DVL1: variants seen among roughly 807,000 people sequenced by gnomAD.
The protein encoded by DVL1 is segment polarity protein dishevelled homolog DVL-1.
A neutral mutation model predicts 65.0 loss-of-function variants in DVL1; 49 were observed. That is an observed-to-expected ratio of 0.75 (90% confidence interval 0.60 to 0.96). The LOEUF is 0.96. DVL1 is among the 40% of genes least tolerant of loss of function. The probability of loss-of-function intolerance (pLI) is 0.00; values close to 1 mark genes in which losing one functional copy is unlikely to be tolerated. For synonymous variants in DVL1, 608 were observed against 433.9 expected, an observed-to-expected ratio of 1.40 and a Z score of -4.99; for missense variants, 1,197 against 1,045.4, an observed-to-expected ratio of 1.15 and a Z score of -2.00.
rs772591531 is a variant in DVL1, at chr1:1,336,354, G to A, written c.1876C>T (p.Arg626Cys). ...WRERPAGQLSRGSSPRSQASA... is the reference protein window; with the variant it reads ...WRERPAGQLSCGSSPRSQASA... The stretch of plus-strand genomic sequence containing the variant: ...GCCTGACTGCGTGGGCTGCTGCCAC[G>A]GCTGAGCTGGCCGGCCGGACGCTCT... Residue 626 changes from arginine to cysteine, a missense_variant, in exon 15 of 15, where the codon CGT (arginine) becomes TGT (cysteine). Coordinates refer to ENST00000378888, the MANE Select transcript of DVL1 (RefSeq NM_001330311.2). 16 of 1,595,312 alleles carry A rather than the reference G, an allele frequency of 1.0e-5. 1 individual carries two copies. The highest frequency in any genetic ancestry group is 5.5e-5 in the South Asian group (5 of 90,516).
At chr1:1,344,796 C>CGCCAGGGG (rs377499524) in intron 1 of DVL1, among the ~76,000 whole-genome samples, 8 of 152,168 alleles carry the variant, frequency 5.3e-5, no homozygotes, top group African/African-American at 1.7e-4. Context: ...CACTAGCTGC[C>CGCCAGGGG]GCCAGGGGGC....
At position 1,349,191 on chromosome 1, in the gene DVL1, C is replaced by T. The variant is rs1643977204; in HGVS notation, c.-126G>A. The T allele has an allele frequency of 1.3e-5, 6 of 479,544 alleles. No individual in the cohort carries two copies. Among genetic ancestry groups the T allele is most frequent in the Non-Finnish European group, 1.6e-5 (6 of 371,096 alleles). The allele number at this position is 479,544 out of a possible 1,614,324, so 29.7% of individuals were successfully genotyped here. A position where few individuals can be genotyped will look rare whatever the true frequency, so the allele number is the denominator to read the frequency against. On this transcript the variant is annotated 5_prime_UTR_variant, in exon 1 of 15. Transcript: ENST00000378888. This position sits in a 1 kb window ranked among gnomAD's most constrained non-coding sequence, Gnocchi z 4.1. ...CGCTCTCGGCCCCGACGCTCCGAGG[C>T]CCCCGGGCGCCCCCGCCCGACCGCC...
intron 2 of DVL1, 68 bp from the exon 3 acceptor site, chr1:1,342,552 G>A (rs1016889152): frequency 1.4e-5 from 22 of 1,579,520 alleles, no homozygotes; most frequent in Non-Finnish European, 1.5e-5. Context: ...GGGCACCCAG[G>A]GAACAGGGGG....
chr1:1,341,319 T>C (rs565537921), intron 5 of DVL1, among the ~76,000 whole-genome samples: 1 of 151,624 alleles, frequency 6.6e-6, no homozygotes, highest in South Asian at 2.1e-4. Context: ...CACACAGACA[T>C]GCGCATCATG....
intron 1 of DVL1, among the ~76,000 whole-genome samples, chr1:1,343,260 C>A (rs1197848606): frequency 3.0e-3 from 1 of 330 alleles, no homozygotes; most frequent in Admixed American, 0.056. Flanking sequence ...GCTTGGAGCC[C>A]CCCCCCCCCA....
intron 1 of DVL1, among the ~76,000 whole-genome samples, chr1:1,347,721 G>A (rs950914780): frequency 2.0e-5 from 3 of 152,206 alleles, no homozygotes; most frequent in African/African-American, 4.8e-5. Context: ...GGAGGAGCCC[G>A]GACCAGACTC....
At chr1:1,340,581 T>C (rs1643765172) in intron 5 of DVL1, 78 bp from the exon 6 acceptor site, 2 of 1,462,660 alleles carry the variant, frequency 1.4e-6, no homozygotes, top group East Asian at 2.5e-5. Context: ...CAATACTGAG[T>C]GGGAATCGGG....
chr1:1,340,639 C>G, intron 5 of DVL1, 136 bp from the exon 6 acceptor site: 1 of 892,110 alleles, frequency 1.1e-6, no homozygotes, highest in Admixed American at 2.4e-5. Context: ...CTGACGTCCA[C>G]GCCCCAGGCC....
intron 1 of DVL1, among the ~76,000 whole-genome samples, chr1:1,344,143 C>A (rs776732127): frequency 1.3e-5 from 2 of 152,108 alleles, no homozygotes; most frequent in Non-Finnish European, 2.9e-5. Flanking sequence ...CCTCTGAGGG[C>A]CCAGGCAGCA....
chr1:1,347,934 C>T (rs1643943145), intron 1 of DVL1, among the ~76,000 whole-genome samples: 1 of 152,204 alleles, frequency 6.6e-6, no homozygotes, highest in Admixed American at 6.5e-5. Flanking sequence ...GCGGACCCAG[C>T]CTGACTGGAC....
intron 1 of DVL1, among the ~76,000 whole-genome samples, chr1:1,343,261 C>T (rs1007733216): frequency 2.2e-4 from 33 of 149,898 alleles, no homozygotes; most frequent in Non-Finnish European, 1.3e-4. Flanking sequence ...CTTGGAGCCC[C>T]CCCCCCCCAG....
intron 14 of DVL1, chr1:1,337,671 C>T: frequency 1.8e-6 from 1 of 559,840 alleles, no homozygotes; most frequent in Admixed American, 2.5e-5. Context: ...CATCCCAATC[C>T]CACCCAGATG....
Position 1,349,054 on chromosome 1 carries a change from G to C in DVL1, c.12C>G (p.Thr4=), listed in dbSNP as rs1230648426. Residue 4 remains threonine (T), a synonymous_variant, in exon 1 of 15, where the codon ACC becomes ACG. Coordinates refer to ENST00000378888, the MANE Select transcript of DVL1 (RefSeq NM_001330311.2). This position sits in a 1 kb window ranked among gnomAD's most constrained non-coding sequence, Gnocchi z 4.1. MAE[T]KIIYHMDEEE... is the part of the protein sequence containing the mutation. ...CCTCGTCCATGTGGTAGATAATCTT[G>C]GTCTCCGCCATGGCGCGGCGGCGGC... The C allele has an allele frequency of 1.3e-6, 2 of 1,518,724 alleles. No homozygotes were observed. Among genetic ancestry groups the C allele is most frequent in the South Asian group, 2.3e-5 (2 of 86,432 alleles). The allele number at this position is 1,518,724 out of a possible 1,614,324, so 94.1% of individuals were successfully genotyped here. A position where few individuals can be genotyped will look rare whatever the true frequency, so the allele number is the denominator to read the frequency against.
chr1:1,337,952 G>A lies in DVL1; in HGVS notation c.1714+25C>T, dbSNP rs1036678401. On this transcript the variant is annotated intron_variant, in intron 14 of 14. Transcript: ENST00000378888. ...CGGAGCTGGGGGCGGAGCCGGGGAA[G>A]GGCAGGTAGGGGCGGCGTTCTCACC... is the stretch of plus-strand genomic sequence containing the variant. 14 of 1,597,306 alleles carry A rather than the reference G, an allele frequency of 8.8e-6. No homozygotes were observed. The African/African-American group carries it at 1.2e-4, about 14-fold the overall frequency.
At chr1:1,341,072 C>T (rs1296187056) in intron 5 of DVL1, among the ~76,000 whole-genome samples, 1 of 150,856 alleles carries the variant, frequency 6.6e-6, no homozygotes, top group Non-Finnish European at 1.5e-5. Flanking sequence ...CACCTGCACA[C>T]ACGCACCCCT....
chr1:1,339,212 G>A (rs907847104), intron 11 of DVL1, 75 bp downstream of exon 11: 31 of 1,524,982 alleles, frequency 2.0e-5, no homozygotes, highest in Non-Finnish European at 2.6e-5. Flanking sequence ...GCCACAGGCG[G>A]CCATGCTGGA....
intron 3 of DVL1, 43 bp from the exon 4 acceptor site, chr1:1,342,199 GC>G: frequency 6.6e-7 from 1 of 1,520,934 alleles, no homozygotes. Flanking sequence ...CGTGGCCCCA[GC>G]CCCTCAGATG....
chr1:1,342,985 T>C (rs568588520), intron 1 of DVL1, among the ~76,000 whole-genome samples: 1 of 138,108 alleles, frequency 7.2e-6, no homozygotes, highest in South Asian at 2.3e-4. Context: ...GCTAACGCAC[T>C]CTCCTCTCGG....
intron 11 of DVL1, 133 bp downstream of exon 11, chr1:1,339,154 G>T: frequency 8.0e-7 from 1 of 1,250,812 alleles, no homozygotes; most frequent in South Asian, 1.4e-5. Context: ...ACACGTCTGT[G>T]CAGGGAGTTG....
Sources: allele counts gnomAD v4.1 joint callset (sites outside exome capture counted in the v4.1 genomes callset), GRCh38; gene constraint gnomAD v4.1.1; non-coding constraint Gnocchi (gnomAD v3.1); transcripts MANE v1.5; gene names NCBI Gene and HGNC (gene_info 2026-07-23, HGNC 2026-07-21).